The following MLYCD variants were observed in gnomAD, a reference collection of about 807,000 sequenced individuals.
MLYCD encodes the protein malonyl-CoA decarboxylase, also known as malonyl-CoA decarboxylase, mitochondrial.
A neutral mutation model predicts 35.8 loss-of-function variants in MLYCD; 27 were observed. The ratio of observed to expected loss-of-function variants is 0.75; its 90% CI spans 0.56 to 1.04. The LOEUF (loss-of-function observed/expected upper bound fraction) is 1.04, where lower values mean the gene tolerates loss of function less well. Ranked by LOEUF, MLYCD falls within the 50% of genes least tolerant of loss-of-function variation. The probability of loss-of-function intolerance (pLI) is 0.00; values close to 1 mark genes in which losing one functional copy is unlikely to be tolerated. For missense variants in MLYCD, 917 were observed against 665.1 expected (o/e 1.38, Z -4.17); for synonymous variants, 403 against 302.4 (o/e 1.33, Z -3.45).
At chr16:83,903,851 G>A (rs1906882215) in intron 1 of MLYCD, among the ~76,000 whole-genome samples, 1 of 152,216 alleles carries the variant, frequency 6.6e-6, no homozygotes, top group Non-Finnish European at 1.5e-5. Context: ...CCGCAGTTGT[G>A]TTTCTCAGTC....
At chr16:83,911,311 A>G (rs1461324479) in intron 3 of MLYCD, among the ~76,000 whole-genome samples, 1 of 152,246 alleles carries the variant, frequency 6.6e-6, no homozygotes, top group African/African-American at 2.4e-5. Context: ...CAGAAAGTTC[A>G]TGGACTGACT....
At position 83,899,607 on chromosome 16, in the gene MLYCD, G is replaced by T. The variant is rs764848387; in HGVS notation, c.463G>T (p.Val155Leu). ...GCTGGACGGCGGCGTGCGCTTCCTGGTGCAGCTGCGGGCCGACCTGCTGGA... is the reference window on the plus strand; with the variant it reads ...GCTGGACGGCGGCGTGCGCTTCCTGTTGCAGCTGCGGGCCGACCTGCTGGA... ...SKLDGGVRFL[V>L]QLRADLLEAQ... Residue 155 changes from valine to leucine, a missense_variant, in exon 1 of 5, where the codon GTG (valine) becomes TTG (leucine). Physicochemically the swap from Val to Leu is conservative, Grantham distance 32. Transcript: ENST00000262430. The T allele has an allele frequency of 7.6e-6, 12 of 1,581,170 alleles. No individual in the cohort carries two copies. The highest frequency in any genetic ancestry group is 1.0e-5 in the Non-Finnish European group (12 of 1,172,406).
At position 83,915,764 on chromosome 16, in the gene MLYCD, C is replaced by A. The variant is rs1907362625; in HGVS notation, c.*275C>A. The stretch of plus-strand genomic sequence containing the variant: ...GATTCTGTCGTTGCCCTTGGCCTGG[C>A]TCCCTGCCCGGGGCTGGTGCTGTGG... On this transcript the variant is annotated 3_prime_UTR_variant, in exon 5 of 5. Coordinates refer to ENST00000262430, the MANE Select transcript of MLYCD (RefSeq NM_012213.3). The A allele has an allele frequency of 7.5e-7, 1 of 1,334,734 alleles. No homozygotes were observed. The highest frequency in any genetic ancestry group is 3.1e-5 in the Admixed American group (1 of 32,020). 82.7% of individuals were successfully genotyped at this position (1,334,734 alleles called of 1,614,324 possible). A position where few individuals can be genotyped will look rare whatever the true frequency, so the allele number is the denominator to read the frequency against.
Position 83,915,767 on chromosome 16 carries a change from C to A in MLYCD, c.*278C>A. 7.6e-7 allele frequency: 1 copy of A among 1,324,376 alleles called. No individual in the cohort carries two copies. The highest frequency in any genetic ancestry group is 9.7e-7 in the Non-Finnish European group (1 of 1,030,060). The allele number at this position is 1,324,376 out of a possible 1,614,324, so 82.0% of individuals were successfully genotyped here. On this transcript the variant is annotated 3_prime_UTR_variant, in exon 5 of 5. Transcript: ENST00000262430. ...TCTGTCGTTGCCCTTGGCCTGGCTC[C>A]CTGCCCGGGGCTGGTGCTGTGGTAC...
In MLYCD at chr16:83,915,718, G is replaced by C. The variant is rs1907360727; in HGVS notation, c.*229G>C. 2 of 1,422,864 alleles carry C rather than the reference G, an allele frequency of 1.4e-6. No homozygotes were observed. The highest frequency in any genetic ancestry group is 1.8e-6 in the Non-Finnish European group (2 of 1,087,842). 88.1% of individuals were successfully genotyped at this position (1,422,864 alleles called of 1,614,324 possible). A position where few individuals can be genotyped will look rare whatever the true frequency, so the allele number is the denominator to read the frequency against. ...GGTGCGGGTGCACACAAATGAGTGG[G>C]TTGCTGTGCTGTCTCCGGAAGATTC... On this transcript the variant is annotated 3_prime_UTR_variant, in exon 5 of 5. Transcript: ENST00000262430.
At chr16:83,914,792 A>G in intron 4 of MLYCD, 164 bp from the exon 5 acceptor site, 2 of 1,070,092 alleles carry the variant, frequency 1.9e-6, no homozygotes, top group Non-Finnish European at 1.4e-6. Flanking sequence ...GAGGAAAAAA[A>G]GAAAAGCTGC....
intron 2 of MLYCD, among the ~76,000 whole-genome samples, 192 bp from the exon 3 acceptor site, chr16:83,907,934 G>C (rs1240415829): frequency 6.6e-6 from 1 of 152,100 alleles, no homozygotes; most frequent in Non-Finnish European, 1.5e-5. Flanking sequence ...TGTGTAAAAT[G>C]GTCATTCACT....
At chr16:83,914,666 C>G (rs1907307495) in intron 4 of MLYCD, 5 of 450,866 alleles carry the variant, frequency 1.1e-5, no homozygotes, top group East Asian at 9.3e-5. Flanking sequence ...GTGGTCCCAG[C>G]TACTCAGCAG....
At chr16:83,902,842 C>G (rs1490882778) in intron 1 of MLYCD, among the ~76,000 whole-genome samples, 1 of 152,114 alleles carries the variant, frequency 6.6e-6, no homozygotes, top group African/African-American at 2.4e-5. Context: ...TTCCTCTGAT[C>G]TGAGTGAGTT....
intron 1 of MLYCD, among the ~76,000 whole-genome samples, chr16:83,905,478 C>A (rs1906940833): frequency 6.6e-6 from 1 of 152,076 alleles, no homozygotes; most frequent in Admixed American, 6.5e-5. Context: ...GTGGGCAGCC[C>A]AGAGCTGATT....
intron 1 of MLYCD, among the ~76,000 whole-genome samples, chr16:83,900,226 G>A (rs1231717726): frequency 6.6e-6 from 1 of 152,134 alleles, no homozygotes; most frequent in Non-Finnish European, 1.5e-5. Flanking sequence ...TGACTTTTGG[G>A]AGGGCATTTA....
chr16:83,913,837 G>T (rs562078278), intron 4 of MLYCD: 50 of 151,410 alleles, frequency 3.3e-4, no homozygotes, highest in African/African-American at 1.1e-3. Flanking sequence ...GGTTCGGGGT[G>T]GGGGAAAAAC....
chr16:83,911,548 A>AT, intron 3 of MLYCD: 1 of 153,598 alleles, frequency 6.5e-6, no homozygotes, highest in Admixed American at 6.4e-5. Flanking sequence ...CTGCCGTGAG[A>AT]ATGAGAGGCA....
Position 83,915,591 on chromosome 16 carries a change from A to C in MLYCD, c.*102A>C, listed in dbSNP as rs999400802. The C allele has an allele frequency of 3.9e-6, 6 of 1,545,868 alleles. No homozygotes were observed. In the Admixed American group the frequency reaches 1.2e-4, roughly 30 times the overall value. On this transcript the variant is annotated 3_prime_UTR_variant, in exon 5 of 5. Coordinates refer to ENST00000262430, the MANE Select transcript of MLYCD (RefSeq NM_012213.3). ...TGAAGCAGCTTTCCAAGCAAAGCCAAAGTTGACTGTGTTCTTGTCCCGCAG... is the reference window on the plus strand; with the variant it reads ...TGAAGCAGCTTTCCAAGCAAAGCCACAGTTGACTGTGTTCTTGTCCCGCAG...
chr16:83,899,352 G>A lies in MLYCD; in HGVS notation c.208G>A (p.Asp70Asn), dbSNP rs1336491665. ...TPAPAEGQCA[D>N]FVSFYGGLAE... ...GGCGCCCGCCGAGGGTCAGTGCGCG[G>A]ACTTCGTGAGCTTCTACGGTGGGCT... Residue 70 changes from aspartate to asparagine, a missense_variant, in exon 1 of 5, where the codon GAC becomes AAC. Coordinates refer to ENST00000262430, the MANE Select transcript of MLYCD (RefSeq NM_012213.3). The A allele has an allele frequency of 9.2e-6, 14 of 1,524,148 alleles. No individual in the cohort carries two copies. Among genetic ancestry groups the A allele is most frequent in the Non-Finnish European group, 1.0e-5 (12 of 1,144,540 alleles). 94.4% of individuals were successfully genotyped at this position (1,524,148 alleles called of 1,614,324 possible). A position where few individuals can be genotyped will look rare whatever the true frequency, so the allele number is the denominator to read the frequency against.
At chr16:83,910,682 C>T (rs1044845838) in intron 3 of MLYCD, among the ~76,000 whole-genome samples, 2 of 143,238 alleles carry the variant, frequency 1.4e-5, no homozygotes, top group African/African-American at 5.5e-5. Flanking sequence ...CAGAGCAAGA[C>T]TCCATCTCAA....
chr16:83,910,426 C>G (rs909769157), intron 3 of MLYCD, among the ~76,000 whole-genome samples: 1 of 152,018 alleles, frequency 6.6e-6, no homozygotes, highest in African/African-American at 2.4e-5. Flanking sequence ...GTGACTCGCG[C>G]CCAGAATCCC....
intron 4 of MLYCD, chr16:83,914,531 T>C: frequency 1.4e-5 from 4 of 293,232 alleles, no homozygotes; most frequent in Non-Finnish European, 2.7e-5. Context: ...GTCTCGGTTT[T>C]GCCGACATGA....
rs865942863 is a variant in MLYCD at position 83,902,212 on chromosome 16, C to T, written c.528+2540C>T. Among the ~76,000 whole-genome samples, 13 of 111,160 alleles carry T rather than the reference C, an allele frequency of 1.2e-4. 1 individual carries two copies. Among genetic ancestry groups the T allele is most frequent in the Admixed American group, 2.8e-4 (3 of 10,762 alleles). The allele number at this position is 111,160 out of a possible 152,430, so 72.9% of individuals were successfully genotyped here. A position where few individuals can be genotyped will look rare whatever the true frequency, so the allele number is the denominator to read the frequency against. ...ATATGGTTTTTTGTTTTGTTGTTTACGGTTTTTTGTTTGTGTTTATTTTTT... is the reference window on the plus strand; with the variant it reads ...ATATGGTTTTTTGTTTTGTTGTTTATGGTTTTTTGTTTGTGTTTATTTTTT... On this transcript the variant is annotated intron_variant, in intron 1 of 4. Transcript: ENST00000262430.
Sources: gnomAD v4.1 joint callset for allele counts (sites outside exome capture counted in the v4.1 genomes callset) on GRCh38, gnomAD v4.1.1 for gene constraint, MANE v1.5 for transcripts, NCBI Gene and HGNC (gene_info 2026-07-23, HGNC 2026-07-21) for gene names.